Variants in CCNQ observed in about 807,000 individuals in gnomAD.
CCNQ encodes the protein cyclin Q.
In CCNQ, 3 loss-of-function variants were observed where a neutral mutation model predicts 17.7. The observed-to-expected ratio is 0.17, with a 90% CI of 0.08 to 0.44. The LOEUF is 0.44. Ranked by LOEUF, CCNQ falls within the 20% of genes least tolerant of loss-of-function variation. CCNQ has a pLI of 0.99. For synonymous variants in CCNQ, 73 were observed against 96.0 expected (o/e 0.76, Z 1.40); for missense variants, 146 against 222.6 (o/e 0.66, Z 2.19).
At chrX:153,591,977 G>A (rs1329085990) in intron 4 of CCNQ, among the ~76,000 whole-genome samples, 5 of 110,463 alleles carry the variant, frequency 4.5e-5, no homozygotes, top group Admixed American at 3.9e-4. Context: ...CCAGCCACCT[G>A]GAAAGCTGTC....
intron 4 of CCNQ, 62 bp downstream of exon 4, chrX:153,592,444 T>C: frequency 9.3e-7 from 1 of 1,076,939 alleles, no homozygotes; most frequent in South Asian, 1.9e-5. Context: ...TGGTGAGCAC[T>C]GCAATACAGA....
chrX:153,598,868 G>T (rs1281304016), intron 1 of CCNQ, 94 bp downstream of exon 1: 2 of 629,771 alleles, frequency 3.2e-6, no homozygotes, highest in African/African-American at 2.4e-5. Flanking sequence ...CTCTGCTACG[G>T]TGAGCACTCC....
intron 3 of CCNQ, 110 bp downstream of exon 3, chrX:153,594,437 T>G: frequency 9.7e-7 from 1 of 1,028,369 alleles, no homozygotes; most frequent in African/African-American, 1.8e-5. Context: ...GCAGCCCTGC[T>G]CTCCTTCTGT....
Position 153,592,624 on chromosome X carries a change from C to T in CCNQ, c.539G>A (p.Gly180Glu). 1.7e-6 allele frequency: 2 copies of T among 1,211,195 alleles called. No individual in the cohort carries two copies. Among genetic ancestry groups the T allele is most frequent in the Non-Finnish European group, 2.2e-6 (2 of 895,065 alleles). ...GGCCTGGAAGCGGAGGCACAGCGCC[C>T]CATGGTAGCTGTCCCGCAGCAGGGC... ...AWALLRDSYH[G>E]ALCLRFQAQH... The change falls in exon 4 of 5, where the codon GGG becomes GAG. Residue 180 changes from glycine to glutamate, a missense_variant. Coordinates refer to ENST00000576892, the MANE Select transcript of CCNQ (RefSeq NM_152274.5).
Position 153,588,427 on chromosome X carries a change from T to C in CCNQ, c.685A>G (p.Ile229Val). ...QVFNDDLTKP[I>V]IDNIVSDLIQ... Reference sequence around the variant, plus strand: ...AGATCAGACACAATATTATCAATGATTGGCTTGGTAAGGTCGTCATTAAAC... The same window carrying C: ...AGATCAGACACAATATTATCAATGACTGGCTTGGTAAGGTCGTCATTAAAC... The change falls in exon 5 of 5, where the codon ATC (isoleucine) becomes GTC (valine). Residue 229 changes from isoleucine (I) to valine (V), a missense_variant. Physicochemically the swap from Ile to Val is conservative, Grantham distance 29 (BLOSUM62 3). Coordinates refer to ENST00000576892, the MANE Select transcript of CCNQ (RefSeq NM_152274.5). 1.7e-6 allele frequency: 2 copies of C among 1,209,345 alleles called. No homozygotes were observed. The highest frequency in any genetic ancestry group is 2.2e-6 in the Non-Finnish European group (2 of 893,043).
At chrX:153,598,755 T>C (rs1480107356) in intron 1 of CCNQ, among the ~76,000 whole-genome samples, 10 of 113,265 alleles carry the variant, frequency 8.8e-5, no homozygotes, top group Non-Finnish European at 1.1e-4. Context: ...TCCTAGGGCC[T>C]GCACACCGGT....
intron 1 of CCNQ, 107 bp downstream of exon 1, chrX:153,598,855 G>C: frequency 1.8e-6 from 1 of 542,627 alleles, no homozygotes; most frequent in Non-Finnish European, 2.6e-6. Flanking sequence ...AGGGCTTCCC[G>C]GCCTCTGCTA....
chrX:153,588,645 G>A (rs1402054977), intron 4 of CCNQ, among the ~76,000 whole-genome samples, 191 bp from the exon 5 acceptor site: 2 of 112,541 alleles, frequency 1.8e-5, no homozygotes, highest in African/African-American at 6.5e-5. Context: ...TTACAAGGCC[G>A]AGAACATTCC....
chrX:153,588,181 C>T lies in CCNQ; in HGVS notation c.*184G>A. On this transcript the variant is annotated 3_prime_UTR_variant, in exon 5 of 5. Coordinates refer to ENST00000576892, the MANE Select transcript of CCNQ (RefSeq NM_152274.5). ...GAGGCGCGGCTCCCACCATCACCTG[C>T]ACCGCGACTTCTAGGGACTGGCAAA... is the stretch of plus-strand genomic sequence containing the variant. The T allele has an allele frequency of 1.9e-6, 1 of 536,052 alleles. No individual in the cohort carries two copies. Among genetic ancestry groups the T allele is most frequent in the Non-Finnish European group, 3.4e-6 (1 of 292,948 alleles). 44.2% of individuals were successfully genotyped at this position (536,052 alleles called of 1,213,427 possible). A position where few individuals can be genotyped will look rare whatever the true frequency, so the allele number is the denominator to read the frequency against.
intron 1 of CCNQ, 117 bp downstream of exon 1, chrX:153,598,845 A>C (rs912503298): frequency 8.4e-5 from 40 of 476,734 alleles, no homozygotes; most frequent in Non-Finnish European, 1.2e-4. Flanking sequence ...AGCCCCGAGC[A>C]GGGCTTCCCG....
intron 4 of CCNQ, among the ~76,000 whole-genome samples, chrX:153,591,042 C>T (rs782813544): frequency 8.9e-6 from 1 of 111,964 alleles, no homozygotes; most frequent in Non-Finnish European, 1.9e-5. Context: ...ATGCTGAGCC[C>T]GTGGCAGATA....
At chrX:153,590,046 G>A (rs1557025421) in intron 4 of CCNQ, among the ~76,000 whole-genome samples, 1 of 108,759 alleles carries the variant, frequency 9.2e-6, no homozygotes, top group Admixed American at 9.9e-5. Flanking sequence ...TGGCCAACAT[G>A]GTGAAACCCC....
chrX:153,595,398 G>A (rs948139441), intron 2 of CCNQ, among the ~76,000 whole-genome samples: 1 of 113,849 alleles, frequency 8.8e-6, no homozygotes, highest in Admixed American at 9.2e-5. Context: ...GATCACAGGC[G>A]TGAGCCACCA....
intron 4 of CCNQ, among the ~76,000 whole-genome samples, chrX:153,591,606 C>T (rs782580299): frequency 9.0e-6 from 1 of 111,430 alleles, no homozygotes; most frequent in Admixed American, 9.5e-5. Context: ...GTTTGCCCCC[C>T]CCAGAGTCCA....
At chrX:153,589,370 C>G (rs1263237952) in intron 4 of CCNQ, among the ~76,000 whole-genome samples, 1 of 113,163 alleles carries the variant, frequency 8.8e-6, no homozygotes, top group East Asian at 2.8e-4. Context: ...CTGCACAACT[C>G]CCCTGGGCGA....
intron 1 of CCNQ, among the ~76,000 whole-genome samples, chrX:153,597,916 T>C (rs1011745275): frequency 2.7e-5 from 3 of 110,675 alleles, no homozygotes; most frequent in African/African-American, 9.9e-5. Context: ...GCAGATGAGG[T>C]GTCACTGCCA....
intron 1 of CCNQ, chrX:153,597,656 G>A (rs1557027371): frequency 1.8e-5 from 2 of 112,018 alleles, no homozygotes; most frequent in Non-Finnish European, 3.8e-5. Context: ...GACATTCACA[G>A]GTTCCAGGGA....
At chrX:153,591,328 C>G (rs782105580) in intron 4 of CCNQ, among the ~76,000 whole-genome samples, 34 of 112,081 alleles carry the variant, frequency 3.0e-4, no homozygotes, top group Non-Finnish European at 5.8e-4. Flanking sequence ...CCACACCCCA[C>G]AAAGGGTAAC....
rs373107311 is a variant in CCNQ, at chrX:153,592,530, G to A, written c.633C>T (p.Val211=). 5.8e-6 allele frequency: 7 copies of A among 1,211,143 alleles called. No homozygotes were observed. The African/African-American group carries it at 8.7e-5, about 15-fold the overall frequency. Residue 211 remains valine, a synonymous_variant, in exon 4 of 5, where the codon GTC becomes GTT. Coordinates refer to ENST00000576892, the MANE Select transcript of CCNQ (RefSeq NM_152274.5). ...QVYGVEVPAE[V]EAEKPWWQVF... is the part of the protein sequence containing the mutation. ...CCTGCCACCACGGCTTCTCAGCCTC[G>A]ACCTCGGCGGGCACCTCAACTCCGT...
Sources: gnomAD v4.1 joint callset for allele counts (sites outside exome capture counted in the v4.1 genomes callset) on GRCh38, gnomAD v4.1.1 for gene constraint, MANE v1.5 for transcripts, NCBI Gene and HGNC (gene_info 2026-07-23, HGNC 2026-07-21) for gene names.